The following DCBLD2 variants were observed in gnomAD, a reference collection of about 807,000 sequenced individuals.
DCBLD2 encodes the protein discoidin, CUB and LCCL domain-containing protein 2.
DCBLD2 carries 54 observed loss-of-function variants against 86.8 expected under a neutral mutation model. That is an observed-to-expected ratio of 0.62 (90% CI 0.50 to 0.78). DCBLD2 has a LOEUF of 0.78. DCBLD2 is among the 30% of genes least tolerant of loss of function. The pLI is 0.00. For synonymous variants in DCBLD2, 354 were observed against 341.3 expected, an observed-to-expected ratio of 1.04 and a Z score of -0.41; for missense variants, 908 against 954.2, an observed-to-expected ratio of 0.95 and a Z score of 0.64.
At chr3:98,857,297 T>C (rs1340563693) in intron 2 of DCBLD2, among the ~76,000 whole-genome samples, 1 of 152,186 alleles carries the variant, frequency 6.6e-6, no homozygotes, top group African/African-American at 2.4e-5. Flanking sequence ...GAGTGAGCAG[T>C]AGCAAGATTT....
At chr3:98,885,408 A>T (rs546415697) in intron 1 of DCBLD2, among the ~76,000 whole-genome samples, 1 of 125,914 alleles carries the variant, frequency 7.9e-6, no homozygotes, top group African/African-American at 3.0e-5. Flanking sequence ...AAGGCTAGAC[A>T]TATACATATT....
intron 4 of DCBLD2, among the ~76,000 whole-genome samples, chr3:98,824,818 T>A (rs828621): frequency 0.36 from 54,772 of 151,810 alleles, 11,010 homozygotes; most frequent in East Asian, 0.71. Flanking sequence ...TGATCAGATA[T>A]GTATTTTGGA....
chr3:98,839,183 C>CTTTCCTTTCTTT (rs1559781619), intron 3 of DCBLD2, among the ~76,000 whole-genome samples: 32 of 51,926 alleles, frequency 6.2e-4, no homozygotes, highest in African/African-American at 2.9e-3. Flanking sequence ...TTTCTTTCTT[C>CTTTCCTTTCTTT]CTTCCTTCCT....
intron 2 of DCBLD2, among the ~76,000 whole-genome samples, chr3:98,850,667 A>G (rs947176126): frequency 1.3e-5 from 2 of 152,232 alleles, no homozygotes; most frequent in African/African-American, 4.8e-5. Context: ...CTTGAATAAG[A>G]GTAATGTGGA....
At chr3:98,836,873 C>T (rs868355121) in intron 3 of DCBLD2, among the ~76,000 whole-genome samples, 8 of 48,912 alleles carry the variant, frequency 1.6e-4, no homozygotes, top group Admixed American at 3.7e-4. Context: ...GGCGGGGGGC[C>T]GACACCCCCA....
intron 1 of DCBLD2, among the ~76,000 whole-genome samples, chr3:98,886,704 T>C (rs907653554): frequency 6.6e-6 from 1 of 151,896 alleles, no homozygotes; most frequent in African/African-American, 2.4e-5. Context: ...CACATTTATC[T>C]AGGGAATTAC....
intron 2 of DCBLD2, among the ~76,000 whole-genome samples, chr3:98,878,317 G>A (rs6805362): frequency 0.061 from 9,301 of 152,164 alleles, 345 homozygotes; most frequent in Non-Finnish European, 0.071. Context: ...CGCATCTGTG[G>A]TATTCTTGCC....
At chr3:98,804,592 A>G (rs1282256756) in intron 13 of DCBLD2, among the ~76,000 whole-genome samples, 1 of 151,952 alleles carries the variant, frequency 6.6e-6, no homozygotes, top group African/African-American at 2.4e-5. Flanking sequence ...GCAGCTTTTC[A>G]ATGTGTTTGC....
chr3:98,859,871 G>A (rs939086339), intron 2 of DCBLD2, among the ~76,000 whole-genome samples: 1 of 152,236 alleles, frequency 6.6e-6, no homozygotes, highest in African/African-American at 2.4e-5. Context: ...AAAGCTGGAC[G>A]GAGAATGACT....
intron 1 of DCBLD2, chr3:98,890,376 G>A (rs1394436468): frequency 2.6e-5 from 4 of 152,050 alleles, no homozygotes; most frequent in African/African-American, 9.7e-5. Flanking sequence ...AAGCTAGAAA[G>A]AGATAAGGAT....
intron 2 of DCBLD2, among the ~76,000 whole-genome samples, chr3:98,861,233 T>C (rs1271762977): frequency 6.6e-6 from 1 of 151,638 alleles, no homozygotes; most frequent in Non-Finnish European, 1.5e-5. Context: ...AGCAAGTCCT[T>C]AGAGATCTAC....
At chr3:98,839,720 G>A (rs1942584777) in intron 3 of DCBLD2, among the ~76,000 whole-genome samples, 2 of 152,186 alleles carry the variant, frequency 1.3e-5, no homozygotes, top group Non-Finnish European at 2.9e-5. Flanking sequence ...CCTTCGTATA[G>A]GGAGTATACC....
chr3:98,863,420 A>G (rs914909496), intron 2 of DCBLD2, among the ~76,000 whole-genome samples: 3 of 152,246 alleles, frequency 2.0e-5, no homozygotes, highest in Admixed American at 1.3e-4. Flanking sequence ...TCCTAAGCCA[A>G]AAGAACAAAG....
intron 4 of DCBLD2, among the ~76,000 whole-genome samples, chr3:98,823,255 A>AT (rs1368478259): frequency 2.6e-5 from 4 of 152,184 alleles, no homozygotes; most frequent in Admixed American, 1.3e-4. Flanking sequence ...CATTTGAAAC[A>AT]TTTTTTTGTC....
chr3:98,815,102 T>C (rs1202607111), intron 9 of DCBLD2: 1 of 151,712 alleles, frequency 6.6e-6, no homozygotes, highest in Non-Finnish European at 1.5e-5. Context: ...GCTATAAAGA[T>C]AGAGTGAGTG....
chr3:98,813,815 T>C (rs565560726), intron 9 of DCBLD2: 9 of 152,306 alleles, frequency 5.9e-5, no homozygotes, highest in African/African-American at 2.2e-4. Context: ...CACTTAATTA[T>C]TTATAAAACA....
chr3:98,816,490 T>C (rs1942026313), intron 9 of DCBLD2, among the ~76,000 whole-genome samples: 1 of 152,072 alleles, frequency 6.6e-6, no homozygotes, highest in African/African-American at 2.4e-5. Context: ...TTTAGGGGCA[T>C]GAGGTAGAAG....
chr3:98,882,617 T>C (rs1007904141), intron 1 of DCBLD2, among the ~76,000 whole-genome samples: 12 of 152,310 alleles, frequency 7.9e-5, no homozygotes, highest in Admixed American at 3.9e-4. Flanking sequence ...CTCCCTTCCC[T>C]GTGTACGTGT....
intron 3 of DCBLD2, among the ~76,000 whole-genome samples, chr3:98,843,362 T>C (rs771949573): frequency 9.2e-5 from 14 of 152,046 alleles, no homozygotes; most frequent in Non-Finnish European, 1.9e-4. Context: ...GAACCCAATA[T>C]AAAAATAACA....
Sources: gnomAD v4.1 joint callset for allele counts (sites outside exome capture counted in the v4.1 genomes callset) on GRCh38, gnomAD v4.1.1 for gene constraint, MANE v1.5 for transcripts, NCBI Gene and HGNC (gene_info 2026-07-23, HGNC 2026-07-21) for gene names.